TMEM145: variants seen among roughly 807,000 people sequenced by gnomAD.
TMEM145 encodes transmembrane protein 145.
Under a neutral mutation model 68.5 loss-of-function variants are expected in TMEM145, and 46 were observed. The ratio of observed to expected loss-of-function variants is 0.67; its 90% confidence interval spans 0.53 to 0.86. TMEM145 has a LOEUF of 0.86. Among genes scored for constraint, TMEM145 ranks in the 40% least tolerant of loss-of-function variants. The probability of loss-of-function intolerance (pLI) is 0.00; values close to 1 mark genes in which losing one functional copy is unlikely to be tolerated. For missense variants in TMEM145, 570 were observed against 645.8 expected (o/e 0.88, Z 1.27); for synonymous variants, 255 against 280.2 (o/e 0.91, Z 0.90).
rs777721952 is a variant in TMEM145 at position 42,316,711 on chromosome 19, C to T, written c.777C>T (p.Ile259=). ...TCCTCATCTTCCTGCTGATGCTTATCCTCCTGGGGAAGGGATTCACGGTGA... is the reference window on the plus strand; with the variant it reads ...TCCTCATCTTCCTGCTGATGCTTATTCTCCTGGGGAAGGGATTCACGGTGA... The part of the protein sequence containing the change: ...SSFLIFLLML[I]LLGKGFTVTR... The change falls in exon 10 of 15, where the codon ATC becomes ATT. Residue 259 remains isoleucine (I), a synonymous_variant. Coordinates refer to ENST00000301204, the MANE Select transcript of TMEM145 (RefSeq NM_173633.3). 1.4e-5 allele frequency: 22 copies of T among 1,613,652 alleles called. No homozygotes were observed. Among genetic ancestry groups the T allele is most frequent in the Non-Finnish European group, 8.5e-7 (1 of 1,180,006 alleles).
At chr19:42,320,049 G>A (rs575052689) in intron 12 of TMEM145, among the ~76,000 whole-genome samples, 16 of 152,262 alleles carry the variant, frequency 1.1e-4, no homozygotes, top group African/African-American at 3.8e-4. Flanking sequence ...GTGAGCCACC[G>A]TGCCCGGGCT....
intron 1 of TMEM145, 37 bp from the exon 2 acceptor site, chr19:42,314,235 G>A (rs2038831225): frequency 1.9e-6 from 3 of 1,611,204 alleles, no homozygotes; most frequent in South Asian, 2.2e-5. Flanking sequence ...AGTTCTTGAA[G>A]GACTCAGCGG....
rs2038846819 is a variant in TMEM145 at position 42,315,419 on chromosome 19, A to G, written c.625A>G (p.Met209Val). Reference protein sequence around the residue: ...QLLHTTYKMFMAAAGVEVLSL... With the variant: ...QLLHTTYKMFVAAAGVEVLSL... Reference sequence around the variant, plus strand: ...GCTCCACACAACTTATAAAATGTTCATGGCCGCAGCAGGAGTAGAGGGTGA... The same window carrying G: ...GCTCCACACAACTTATAAAATGTTCGTGGCCGCAGCAGGAGTAGAGGGTGA... The change falls in exon 8 of 15, where the codon ATG (methionine) becomes GTG (valine). Residue 209 changes from methionine (M) to valine (V), a missense_variant. Met to Val is a conservative substitution (Grantham distance 21). Coordinates refer to ENST00000301204, the MANE Select transcript of TMEM145 (RefSeq NM_173633.3). 5.0e-6 allele frequency: 8 copies of G among 1,614,142 alleles called. No homozygotes were observed. The highest frequency in any genetic ancestry group is 3.3e-5 in the South Asian group (3 of 91,080).
rs1329041177 is a variant in TMEM145, at chr19:42,314,519, A to T, written c.264A>T (p.Ala88=). 1 of 1,614,144 alleles carries T rather than the reference A, an allele frequency of 6.2e-7. No individual in the cohort carries two copies. The highest frequency in any genetic ancestry group is 1.7e-5 in the Admixed American group (1 of 60,022). ...DPSQWPAVYK[A]GDKDCLAKES... ...CCCAGTGGCCAGCCGTGTACAAGGCAGGGGACAAGGTGAGGGCTGTGAAGA... is the reference window on the plus strand; with the variant it reads ...CCCAGTGGCCAGCCGTGTACAAGGCTGGGGACAAGGTGAGGGCTGTGAAGA... The change falls in exon 3 of 15, where the codon GCA becomes GCT. Residue 88 remains alanine (A), a synonymous_variant. Transcript: ENST00000301204.
intron 12 of TMEM145, among the ~76,000 whole-genome samples, chr19:42,318,143 G>GT (rs2038877653): frequency 6.6e-6 from 1 of 151,990 alleles, no homozygotes. Flanking sequence ...CGAGGTGGGC[G>GT]TATCACAAGG....
chr19:42,323,820 C>A (rs1298193591), intron 14 of TMEM145, 31 bp downstream of exon 14: 2 of 1,602,276 alleles, frequency 1.2e-6, no homozygotes, highest in Non-Finnish European at 8.5e-7. Flanking sequence ...GCCCGAGGAG[C>A]TGCTGGCGCC....
chr19:42,321,034 T>C, intron 13 of TMEM145: 1 of 399,062 alleles, frequency 2.5e-6, no homozygotes, highest in Non-Finnish European at 4.4e-6. Context: ...TTCCTGACCC[T>C]GTGTCCCCAG....
At chr19:42,322,326 GCTACAGTCC>G (rs1200789310) in intron 13 of TMEM145, among the ~76,000 whole-genome samples, 1 of 152,130 alleles carries the variant, frequency 6.6e-6, no homozygotes, top group Non-Finnish European at 1.5e-5. Context: ...CCAAGTAGGC[GCTACAGTCC>G]CTTTTCCCCA....
In TMEM145 at chr19:42,314,541, A is replaced by C; in HGVS notation, c.273+13A>C. 1 of 1,614,128 alleles carries C rather than the reference A, an allele frequency of 6.2e-7. No homozygotes were observed. The highest frequency in any genetic ancestry group is 8.5e-7 in the Non-Finnish European group (1 of 1,180,008). Reference sequence around the variant, plus strand: ...GGCAGGGGACAAGGTGAGGGCTGTGAAGAGGGCATAGGGGGAGAGGGGAGA... The same window carrying C: ...GGCAGGGGACAAGGTGAGGGCTGTGCAGAGGGCATAGGGGGAGAGGGGAGA... On this transcript the variant is annotated intron_variant, in intron 3 of 14. Transcript: ENST00000301204.
chr19:42,322,885 G>A (rs894776575), intron 13 of TMEM145, among the ~76,000 whole-genome samples: 33 of 152,134 alleles, frequency 2.2e-4, no homozygotes, highest in Non-Finnish European at 4.6e-4. Context: ...ATTTTTAGTA[G>A]AGATGGAGTT....
chr19:42,321,376 C>G (rs1357622605), intron 13 of TMEM145: 2 of 333,540 alleles, frequency 6.0e-6, no homozygotes, highest in East Asian at 4.4e-5. Flanking sequence ...CCACCATGCC[C>G]GGTTAAGTGG....
At chr19:42,317,971 G>C in intron 12 of TMEM145, 90 bp downstream of exon 12, 1 of 1,430,536 alleles carries the variant, frequency 7.0e-7, no homozygotes, top group Non-Finnish European at 9.7e-7. Flanking sequence ...TCCATAGTGA[G>C]GGAGATGGAC....
intron 6 of TMEM145, 23 bp downstream of exon 6, chr19:42,315,100 A>T: frequency 6.2e-7 from 1 of 1,614,042 alleles, no homozygotes; most frequent in Non-Finnish European, 8.5e-7. Flanking sequence ...GGACCTAGAA[A>T]CCAGGCTCTC....
At chr19:42,324,400 C>G in intron 14 of TMEM145, 1 of 984,704 alleles carries the variant, frequency 1.0e-6, no homozygotes, top group Non-Finnish European at 1.2e-6. Context: ...CCAAGGCGGC[C>G]GACTCGGGCT....
chr19:42,320,585 G>T, intron 13 of TMEM145, 148 bp downstream of exon 13: 4 of 1,120,726 alleles, frequency 3.6e-6, no homozygotes, highest in Admixed American at 4.4e-5. Flanking sequence ...GAGCCTGCTT[G>T]GTTCCTGCAG....
At chr19:42,318,597 G>T (rs2038882788) in intron 12 of TMEM145, among the ~76,000 whole-genome samples, 1 of 150,058 alleles carries the variant, frequency 6.7e-6, no homozygotes, top group Non-Finnish European at 1.5e-5. Flanking sequence ...TGAGGCAGGA[G>T]AATTGCTTGA....
At chr19:42,324,610 T>TC in intron 14 of TMEM145, 127 bp from the exon 15 acceptor site, 1 of 1,321,568 alleles carries the variant, frequency 7.6e-7, no homozygotes, top group Non-Finnish European at 9.6e-7. Flanking sequence ...GCCCGAGAGC[T>TC]CGCCCATCCC....
chr19:42,324,219 G>T, intron 14 of TMEM145: 1 of 978,350 alleles, frequency 1.0e-6, no homozygotes, highest in Non-Finnish European at 1.2e-6. Context: ...ACGGGCCTTC[G>T]GGGCCGCATC....
chr19:42,323,453 A>T (rs2038929918), intron 13 of TMEM145, 130 bp from the exon 14 acceptor site: 1 of 856,018 alleles, frequency 1.2e-6, no homozygotes, highest in Non-Finnish European at 1.8e-6. Context: ...GGGACGCCTA[A>T]TCCAGTGTGA....
Sources: allele counts gnomAD v4.1 joint callset (sites outside exome capture counted in the v4.1 genomes callset), GRCh38; gene constraint gnomAD v4.1.1; transcripts MANE v1.5; gene names NCBI Gene and HGNC (gene_info 2026-07-23, HGNC 2026-07-21).